The following TBC1D32 variants were observed in gnomAD, a reference collection of about 807,000 sequenced individuals.
TBC1D32 encodes the protein TBC1 domain family member 32, also known as protein broad-minded.
A neutral mutation model predicts 170.3 loss-of-function variants in TBC1D32; 151 were observed. The observed-to-expected ratio is 0.89, with a 90% CI of 0.78 to 1.01. The LOEUF (loss-of-function observed/expected upper bound fraction) is 1.01, where lower values mean the gene tolerates loss of function less well. Among genes scored for constraint, TBC1D32 ranks in the 50% least tolerant of loss-of-function variants. The probability of loss-of-function intolerance (pLI) is 0.00; values close to 1 mark genes in which losing one functional copy is unlikely to be tolerated. For missense variants in TBC1D32, 1,464 were observed against 1,457.1 expected (o/e 1.00, Z -0.08); for synonymous variants, 498 against 488.0 (o/e 1.02, Z -0.27).
chr6:121,225,169 A>G (rs1476620990), intron 20 of TBC1D32, among the ~76,000 whole-genome samples: 1 of 152,032 alleles, frequency 6.6e-6, no homozygotes, highest in East Asian at 1.9e-4. Flanking sequence ...GTCACCTAGG[A>G]AACTACTGTA....
At chr6:121,303,514 A>G in intron 9 of TBC1D32, 103 bp downstream of exon 9, 3 of 979,256 alleles carry the variant, frequency 3.1e-6, no homozygotes, top group Non-Finnish European at 4.1e-6. Context: ...AACACATGTA[A>G]AAGTGATTAG....
At chr6:121,223,414 T>A in intron 20 of TBC1D32, 62 bp from the exon 21 acceptor site, 1 of 1,091,856 alleles carries the variant, frequency 9.2e-7, no homozygotes, top group Non-Finnish European at 1.4e-6. Flanking sequence ...CCATGGAGAG[T>A]CATTAATGTA....
At chr6:121,316,753 C>T (rs1418236109) in intron 3 of TBC1D32, among the ~76,000 whole-genome samples, 2 of 152,108 alleles carry the variant, frequency 1.3e-5, no homozygotes, top group Non-Finnish European at 2.9e-5. Context: ...TCCTCAAATC[C>T]CTTCTTGGTA....
chr6:121,273,553 G>A (rs1011108330), intron 15 of TBC1D32, among the ~76,000 whole-genome samples: 1 of 151,396 alleles, frequency 6.6e-6, no homozygotes, highest in Non-Finnish European at 1.5e-5. Context: ...GAGTTAATGG[G>A]TGCAGCACAC....
chr6:121,175,626 T>C (rs1787660189), intron 22 of TBC1D32, among the ~76,000 whole-genome samples: 1 of 152,170 alleles, frequency 6.6e-6, no homozygotes, highest in Non-Finnish European at 1.5e-5. Flanking sequence ...AGCTCTTTGA[T>C]TTAAGATTCA....
At chr6:121,311,374 C>T (rs891690515) in intron 3 of TBC1D32, among the ~76,000 whole-genome samples, 3 of 152,082 alleles carry the variant, frequency 2.0e-5, no homozygotes, top group African/African-American at 7.2e-5. Flanking sequence ...AAGAAAGGGT[C>T]TTTTTCCTAC....
intron 27 of TBC1D32, among the ~76,000 whole-genome samples, chr6:121,114,315 T>G (rs1779479661): frequency 6.6e-6 from 1 of 152,206 alleles, no homozygotes; most frequent in Non-Finnish European, 1.5e-5. Flanking sequence ...CTGTAATATA[T>G]TCAAACATTT....
At chr6:121,332,980 C>T (rs1396955390) in intron 1 of TBC1D32, among the ~76,000 whole-genome samples, 2 of 152,072 alleles carry the variant, frequency 1.3e-5, no homozygotes, top group Non-Finnish European at 1.5e-5. Flanking sequence ...TTTTAAAACT[C>T]AATTGAGAAG....
chr6:121,238,176 G>A (rs1264508653), intron 20 of TBC1D32, among the ~76,000 whole-genome samples: 1 of 152,068 alleles, frequency 6.6e-6, no homozygotes, highest in Non-Finnish European at 1.5e-5. Flanking sequence ...CACCTGCTGT[G>A]TAGTCCTAAG....
intron 17 of TBC1D32, among the ~76,000 whole-genome samples, chr6:121,252,124 G>A (rs572383708): frequency 2.6e-5 from 4 of 152,228 alleles, no homozygotes; most frequent in Admixed American, 6.5e-5. Flanking sequence ...CACTGTTGGC[G>A]GGAGTGTAAA....
intron 21 of TBC1D32, among the ~76,000 whole-genome samples, chr6:121,218,891 A>C (rs1003816899): frequency 6.6e-6 from 1 of 152,112 alleles, no homozygotes; most frequent in Non-Finnish European, 1.5e-5. Context: ...CATGTGATGA[A>C]GGATGTGTTT....
intron 20 of TBC1D32, among the ~76,000 whole-genome samples, chr6:121,235,178 T>C (rs1381209996): frequency 6.6e-6 from 1 of 152,178 alleles, no homozygotes; most frequent in Admixed American, 6.5e-5. Flanking sequence ...TTGTGTTGCT[T>C]GGCCTCCAGC....
chr6:121,127,352 G>A (rs1780962039), intron 25 of TBC1D32, among the ~76,000 whole-genome samples: 1 of 152,130 alleles, frequency 6.6e-6, no homozygotes, highest in Non-Finnish European at 1.5e-5. Context: ...TAGCTGACAA[G>A]CTCTATCTCA....
intron 15 of TBC1D32, among the ~76,000 whole-genome samples, chr6:121,275,246 T>G (rs567406044): frequency 6.6e-6 from 1 of 152,254 alleles, no homozygotes; most frequent in Non-Finnish European, 1.5e-5. Flanking sequence ...CTAAAAGAAA[T>G]TATATGCACA....
intron 26 of TBC1D32, among the ~76,000 whole-genome samples, chr6:121,122,956 TA>T (rs1297524914): frequency 6.6e-5 from 10 of 152,042 alleles, no homozygotes; most frequent in African/African-American, 2.4e-4. Context: ...GACTTTATGC[TA>T]TGGTCAATGG....
chr6:121,194,638 C>T (rs1790492560), intron 22 of TBC1D32, among the ~76,000 whole-genome samples: 1 of 152,240 alleles, frequency 6.6e-6, no homozygotes, highest in South Asian at 2.1e-4. Context: ...CAGCCATTGA[C>T]TTGGCAAATG....
At chr6:121,112,402 A>G in intron 29 of TBC1D32, 103 bp downstream of exon 29, 3 of 1,060,470 alleles carry the variant, frequency 2.8e-6, no homozygotes, top group Non-Finnish European at 3.9e-6. Flanking sequence ...AATGAGTATA[A>G]TTTATTACAA....
chr6:121,210,681 G>C (rs979594095), intron 21 of TBC1D32, among the ~76,000 whole-genome samples: 2 of 152,122 alleles, frequency 1.3e-5, no homozygotes, highest in African/African-American at 2.4e-5. Flanking sequence ...GGAGATTATG[G>C]GGGTGGGCTT....
chr6:121,282,357 T>C (rs1203889149), intron 13 of TBC1D32, among the ~76,000 whole-genome samples: 2 of 151,770 alleles, frequency 1.3e-5, no homozygotes, highest in East Asian at 3.8e-4. Flanking sequence ...TATAATCTAA[T>C]ATCCTCAAAA....
Sources: gnomAD v4.1 joint callset for allele counts (sites outside exome capture counted in the v4.1 genomes callset) on GRCh38, gnomAD v4.1.1 for gene constraint, MANE v1.5 for transcripts, NCBI Gene and HGNC (gene_info 2026-07-23, HGNC 2026-07-21) for gene names.